The following KCNIP3 variants were observed in gnomAD, a reference collection of about 807,000 sequenced individuals.
KCNIP3 encodes the protein potassium voltage-gated channel interacting protein 3, also known as calsenilin.
Under a neutral mutation model 35.0 loss-of-function variants are expected in KCNIP3, and 28 were observed. That is an observed-to-expected ratio of 0.80 (90% CI 0.59 to 1.10). KCNIP3 has a LOEUF of 1.10. KCNIP3 is among the 50% of genes least tolerant of loss of function. The pLI, the probability that KCNIP3 is intolerant of heterozygous loss-of-function variation, is 0.00. For synonymous variants in KCNIP3, 134 were observed against 133.8 expected, an observed-to-expected ratio of 1.00 and a Z score of -0.01; for missense variants, 295 against 338.4, an observed-to-expected ratio of 0.87 and a Z score of 1.01.
intron 3 of KCNIP3, among the ~76,000 whole-genome samples, chr2:95,374,646 A>G (rs767445029): frequency 6.6e-6 from 1 of 152,122 alleles, no homozygotes; most frequent in Non-Finnish European, 1.5e-5. Flanking sequence ...ATGGGGGAGC[A>G]GTCACCCCCT....
intron 5 of KCNIP3, among the ~76,000 whole-genome samples, chr2:95,381,335 TCA>T (rs1680334038): frequency 6.6e-6 from 1 of 151,364 alleles, no homozygotes; most frequent in Admixed American, 6.6e-5. Flanking sequence ...ATGCACACCC[TCA>T]CACAGGTGCA....
At chr2:95,380,043 C>T (rs1487723447) in intron 5 of KCNIP3, among the ~76,000 whole-genome samples, 1 of 152,176 alleles carries the variant, frequency 6.6e-6, no homozygotes, top group Non-Finnish European at 1.5e-5. Flanking sequence ...CTGCCTGTGT[C>T]CCAGCATTGG....
intron 6 of KCNIP3, 117 bp downstream of exon 6, chr2:95,381,820 C>A: frequency 2.7e-6 from 2 of 738,202 alleles, no homozygotes; most frequent in Non-Finnish European, 4.7e-6. Context: ...GCTGTCCATC[C>A]AGAGACTGGC....
intron 2 of KCNIP3, among the ~76,000 whole-genome samples, chr2:95,325,746 C>G (rs575717329): frequency 6.6e-6 from 1 of 151,630 alleles, no homozygotes; most frequent in Non-Finnish European, 1.5e-5. Context: ...CTCATACACA[C>G]GCACTCATAC....
rs927574543 is a variant in KCNIP3, at chr2:95,377,036, G to A, written c.447+1828G>A. 9.2e-5 allele frequency among the ~76,000 whole-genome samples: 14 copies of A among 152,160 alleles called. No homozygotes were observed. Among genetic ancestry groups the A allele is most frequent in the Non-Finnish European group, 1.6e-4 (11 of 68,036 alleles). ...CACACAGACCTCAACAGAGCCAAGC[G>A]GGCGATGCCATCCCCACACCCCACC... On this transcript the variant is annotated intron_variant, in intron 5 of 8. Transcript: ENST00000295225. The surrounding 1 kb of genome is among the most constrained non-coding windows in gnomAD (Gnocchi z 4.7).
chr2:95,349,299 C>T (rs1308527593), intron 2 of KCNIP3, among the ~76,000 whole-genome samples: 1 of 152,158 alleles, frequency 6.6e-6, no homozygotes, highest in Non-Finnish European at 1.5e-5. Flanking sequence ...GGGACTGTTG[C>T]CCCAGCTCTG....
chr2:95,374,471 G>A (rs1430832533), intron 3 of KCNIP3, 51 bp downstream of exon 3: 2 of 1,596,886 alleles, frequency 1.3e-6, no homozygotes, highest in African/African-American at 2.7e-5. Context: ...CTGGCTCAGG[G>A]AGACCTGGAA....
At chr2:95,362,832 G>C (rs1049045515) in intron 2 of KCNIP3, among the ~76,000 whole-genome samples, 1 of 152,192 alleles carries the variant, frequency 6.6e-6, no homozygotes, top group African/African-American at 2.4e-5. Context: ...CCCTGCACTA[G>C]AGTGTTTCAG....
chr2:95,357,872 G>T (rs1204998991), intron 2 of KCNIP3, among the ~76,000 whole-genome samples: 2 of 152,234 alleles, frequency 1.3e-5, no homozygotes, highest in South Asian at 4.1e-4. Flanking sequence ...GCTGGCTGTT[G>T]TCTGAGCCAG....
At chr2:95,314,290 G>A (rs1678400063) in intron 2 of KCNIP3, among the ~76,000 whole-genome samples, 1 of 152,234 alleles carries the variant, frequency 6.6e-6, no homozygotes, top group Non-Finnish European at 1.5e-5. Context: ...CAAGATACAT[G>A]ATATCAAAGT....
intron 2 of KCNIP3, among the ~76,000 whole-genome samples, chr2:95,348,282 A>G (rs796649263): frequency 2.0e-5 from 3 of 152,352 alleles, no homozygotes; most frequent in African/African-American, 7.2e-5. Flanking sequence ...TGGCCCTGGC[A>G]GGAGGAATCT....
intron 1 of KCNIP3, among the ~76,000 whole-genome samples, chr2:95,302,730 C>T (rs1486445329): frequency 1.3e-5 from 2 of 152,134 alleles, no homozygotes; most frequent in African/African-American, 2.4e-5. Flanking sequence ...AGCGAGGGTG[C>T]GGGATTCATG....
At chr2:95,346,964 A>C in intron 2 of KCNIP3, 1 of 1,358,564 alleles carries the variant, frequency 7.4e-7, no homozygotes, top group South Asian at 1.3e-5. Context: ...CCTCCGAGGC[A>C]GCGCGTGGGC....
chr2:95,325,030 G>C, intron 2 of KCNIP3, among the ~76,000 whole-genome samples: 1 of 152,214 alleles, frequency 6.6e-6, no homozygotes, highest in East Asian at 1.9e-4. Flanking sequence ...GGAGGTAGAA[G>C]GGGGGCTCCA....
At chr2:95,352,017 C>T (rs984503312) in intron 2 of KCNIP3, among the ~76,000 whole-genome samples, 18 of 152,136 alleles carry the variant, frequency 1.2e-4, no homozygotes, top group African/African-American at 4.3e-4. Context: ...AATCCCAGCA[C>T]TTTGGGAGGC....
At chr2:95,314,177 A>G (rs1049351882) in intron 2 of KCNIP3, among the ~76,000 whole-genome samples, 3 of 152,174 alleles carry the variant, frequency 2.0e-5, no homozygotes, top group African/African-American at 4.8e-5. Flanking sequence ...GCAGAAAGGC[A>G]TCGGAACAAA....
intron 2 of KCNIP3, among the ~76,000 whole-genome samples, chr2:95,331,376 G>A (rs1363447682): frequency 6.6e-6 from 1 of 152,158 alleles, no homozygotes; most frequent in African/African-American, 2.4e-5. Context: ...CGTGAGGGGA[G>A]GAGGGGGCTT....
chr2:95,378,629 C>CCT lies in KCNIP3; in HGVS notation c.448-2966_448-2965insTC, dbSNP rs1408548207. On this transcript the variant is annotated intron_variant, in intron 5 of 8. Transcript: ENST00000295225. The surrounding 1 kb of genome is among the most constrained non-coding windows in gnomAD (Gnocchi z 4.0). ...GGCATGGTGGCGGGTGCCTATAATT[C>CCT]CAGCTGCTTGGGAGGCTGAGGCAAG... 6.6e-6 allele frequency among the ~76,000 whole-genome samples: 1 copy of CCT among 151,172 alleles called. No individual in the cohort carries two copies. The highest frequency in any genetic ancestry group is 1.5e-5 in the Non-Finnish European group (1 of 67,872).
intron 2 of KCNIP3, among the ~76,000 whole-genome samples, chr2:95,357,455 A>G (rs996588003): frequency 6.6e-6 from 1 of 152,130 alleles, no homozygotes; most frequent in African/African-American, 2.4e-5. Context: ...CAGAGGCACC[A>G]GTGGGCAATT....
Sources: gnomAD v4.1 joint callset for allele counts (sites outside exome capture counted in the v4.1 genomes callset) on GRCh38, gnomAD v4.1.1 for gene constraint, Gnocchi (gnomAD v3.1) non-coding constraint, MANE v1.5 for transcripts, NCBI Gene and HGNC (gene_info 2026-07-23, HGNC 2026-07-21) for gene names.